The following DPP6 variants were observed in gnomAD, a reference collection of about 807,000 sequenced individuals.
DPP6 encodes A-type potassium channel modulatory protein DPP6.
A neutral mutation model predicts 122.6 loss-of-function variants in DPP6; 69 were observed. That is an observed-to-expected ratio of 0.56 (90% CI 0.46 to 0.69). The LOEUF (loss-of-function observed/expected upper bound fraction) is 0.69, where lower values mean the gene tolerates loss of function less well. Among genes scored for constraint, DPP6 ranks in the 30% least tolerant of loss-of-function variants. DPP6 has a pLI of 0.00. For synonymous variants in DPP6, 418 were observed against 433.1 expected, an observed-to-expected ratio of 0.97 and a Z score of 0.43; for missense variants, 928 against 1,116.9, an observed-to-expected ratio of 0.83 and a Z score of 2.41.
At chr7:154,388,740 G>C (rs149841704) in intron 1 of DPP6, among the ~76,000 whole-genome samples, 7 of 152,136 alleles carry the variant, frequency 4.6e-5, no homozygotes, top group African/African-American at 7.2e-5. Flanking sequence ...GGTGGTTTGG[G>C]GTGGAGCGTT....
intron 1 of DPP6, among the ~76,000 whole-genome samples, chr7:153,935,893 G>C (rs1033415588): frequency 1.3e-5 from 2 of 152,244 alleles, no homozygotes; most frequent in Non-Finnish European, 2.9e-5. Flanking sequence ...AAGACCTGGG[G>C]CTGGTTACAT....
At chr7:154,887,863 G>GC in intron 23 of DPP6, 129 bp downstream of exon 23, 1 of 1,095,202 alleles carries the variant, frequency 9.1e-7, no homozygotes, top group Non-Finnish European at 1.4e-6. Flanking sequence ...CAGCACCAAA[G>GC]CCCACTCAGA....
At chr7:153,993,989 G>T (rs1007117627) in intron 1 of DPP6, among the ~76,000 whole-genome samples, 53 of 152,332 alleles carry the variant, frequency 3.5e-4, no homozygotes, top group African/African-American at 1.2e-3. Context: ...GAGTTATGAA[G>T]AAGCTATTGG....
At chr7:154,298,668 G>A (rs1805702742) in intron 1 of DPP6, among the ~76,000 whole-genome samples, 1 of 152,168 alleles carries the variant, frequency 6.6e-6, no homozygotes, top group Non-Finnish European at 1.5e-5. Context: ...TGAAGGTGAT[G>A]AGTGCGTTAG....
At chr7:154,669,638 A>T (rs1416689431) in intron 7 of DPP6, among the ~76,000 whole-genome samples, 197 bp downstream of exon 7, 1 of 152,030 alleles carries the variant, frequency 6.6e-6, no homozygotes, top group Non-Finnish European at 1.5e-5. Context: ...TAGATAGCAA[A>T]TTCTCCTAAA....
At chr7:154,611,020 G>C (rs1586729235) in intron 5 of DPP6, among the ~76,000 whole-genome samples, 2 of 152,228 alleles carry the variant, frequency 1.3e-5, no homozygotes, top group South Asian at 4.1e-4. Flanking sequence ...TTCATTTACT[G>C]TGCTAGAGTG....
chr7:154,016,163 A>G (rs1311543038), intron 1 of DPP6, among the ~76,000 whole-genome samples: 1 of 151,794 alleles, frequency 6.6e-6, no homozygotes, highest in African/African-American at 2.4e-5. Flanking sequence ...TGACCACTCT[A>G]CCTAAAATCT....
intron 1 of DPP6, among the ~76,000 whole-genome samples, chr7:154,040,757 A>G (rs1381033050): frequency 2.0e-5 from 3 of 152,116 alleles, no homozygotes; most frequent in African/African-American, 7.2e-5. Context: ...GGGCTGGAAC[A>G]TTTTTCCTTT....
the DPP6 span, among the ~76,000 whole-genome samples, chr7:153,772,778 A>G: frequency 6.7e-6 from 1 of 148,762 alleles, no homozygotes; most frequent in Non-Finnish European, 1.5e-5. Flanking sequence ...AAAATCATTA[A>G]CACAAAGAAG....
At chr7:154,195,724 G>A (rs959129097) in intron 1 of DPP6, among the ~76,000 whole-genome samples, 6 of 152,128 alleles carry the variant, frequency 3.9e-5, no homozygotes, top group Admixed American at 1.3e-4. Context: ...CATTGTCCAC[G>A]TTGGTGTTAG....
intron 1 of DPP6, among the ~76,000 whole-genome samples, chr7:153,989,194 T>G (rs1797012469): frequency 7.9e-6 from 1 of 125,822 alleles, no homozygotes; most frequent in Admixed American, 9.2e-5. Context: ...TGAGTGTGAG[T>G]GGGTGGGTGG....
Position 154,481,346 on chromosome 7 carries a change from G to GGTGTGTGTGT in DPP6, c.457+6328_457+6337dup, listed in dbSNP as rs1554564239. ...ATACACTTGGAGAGAGAGAGAGAGGGGTGTGTGTGTGTGTGTGTGTGTGTG... is the reference window on the plus strand; with the variant it reads ...ATACACTTGGAGAGAGAGAGAGAGGGGTGTGTGTGTGTGTGTGTGTGTGTGTGTGTGTGTG... On this transcript the variant is annotated intron_variant, in intron 3 of 25. Transcript: ENST00000377770. The surrounding 1 kb of genome is among the most constrained non-coding windows in gnomAD (Gnocchi z 4.2). 6.8e-6 allele frequency among the ~76,000 whole-genome samples: 1 copy of GGTGTGTGTGT among 147,956 alleles called. No individual in the cohort carries two copies. The highest frequency in any genetic ancestry group is 1.5e-5 in the Non-Finnish European group (1 of 67,166).
chr7:154,827,290 A>G (rs1276429607), intron 16 of DPP6, among the ~76,000 whole-genome samples: 2 of 151,024 alleles, frequency 1.3e-5, no homozygotes, highest in African/African-American at 2.4e-5. Context: ...CCTCTTTCTT[A>G]TCTGTTTCTT....
intron 1 of DPP6, among the ~76,000 whole-genome samples, chr7:154,077,742 C>T (rs558534451): frequency 6.6e-6 from 1 of 151,380 alleles, no homozygotes; most frequent in African/African-American, 2.4e-5. Flanking sequence ...GTGATCTGAG[C>T]TCACTGCAAC....
intron 1 of DPP6, among the ~76,000 whole-genome samples, chr7:153,924,717 A>G (rs1263909546): frequency 7.2e-5 from 11 of 152,140 alleles, no homozygotes; most frequent in Admixed American, 7.2e-4. Context: ...TGTTGATCTG[A>G]GTCATTGATG....
intron 1 of DPP6, among the ~76,000 whole-genome samples, chr7:154,348,838 G>A (rs1810610574): frequency 6.6e-6 from 1 of 152,132 alleles, no homozygotes; most frequent in South Asian, 2.1e-4. Flanking sequence ...CTCTTCTCTG[G>A]TAGCCTGGAC....
intron 1 of DPP6, among the ~76,000 whole-genome samples, chr7:153,903,170 G>GA (rs559816550): frequency 6.6e-6 from 1 of 152,130 alleles, no homozygotes; most frequent in Admixed American, 6.5e-5. Context: ...TTAAGAGCAA[G>GA]AAAAAAACTC....
chr7:153,996,784 G>C (rs545425052), intron 1 of DPP6, among the ~76,000 whole-genome samples: 1 of 152,264 alleles, frequency 6.6e-6, no homozygotes, highest in Non-Finnish European at 1.5e-5. Context: ...TCAATGTCAA[G>C]AACAATTAAT....
intron 1 of DPP6, among the ~76,000 whole-genome samples, chr7:154,122,177 A>C (rs11762853): frequency 0.41 from 62,904 of 152,064 alleles, 14,171 homozygotes; most frequent in Non-Finnish European, 0.51. Context: ...ATGGGAGCCC[A>C]AAGTTATGAA....
Sources: gnomAD v4.1 joint callset for allele counts (sites outside exome capture counted in the v4.1 genomes callset) on GRCh38, gnomAD v4.1.1 for gene constraint, Gnocchi (gnomAD v3.1) non-coding constraint, MANE v1.5 for transcripts, NCBI Gene and HGNC (gene_info 2026-07-23, HGNC 2026-07-21) for gene names.